Variants in CFAP20DC observed in about 807,000 individuals in gnomAD.
CFAP20DC encodes protein CFAP20DC.
A neutral mutation model predicts 101.7 loss-of-function variants in CFAP20DC; 84 were observed. That is an observed-to-expected ratio of 0.83 (90% CI 0.69 to 0.99). The LOEUF (loss-of-function observed/expected upper bound fraction) is 0.99, where lower values mean the gene tolerates loss of function less well. CFAP20DC is among the 50% of genes least tolerant of loss of function. The pLI is 0.00. For missense variants in CFAP20DC, 1,007 were observed against 970.3 expected, an observed-to-expected ratio of 1.04 and a Z score of -0.50; for synonymous variants, 359 against 351.2, an observed-to-expected ratio of 1.02 and a Z score of -0.25.
In CFAP20DC at chr3:58,895,867, G is replaced by A. The variant is rs1430566111; in HGVS notation, c.551-11158C>T. Among the ~76,000 whole-genome samples, 8 of 152,168 alleles carry A rather than the reference G, an allele frequency of 5.3e-5. No homozygotes were observed. In the East Asian group the frequency reaches 5.8e-4, roughly 11 times the overall value. ...TCACATCTTACATGGATGGCAGCACGCAAAGAGAGTTTGTCTAGGGAAACT... is the reference window on the plus strand; with the variant it reads ...TCACATCTTACATGGATGGCAGCACACAAAGAGAGTTTGTCTAGGGAAACT... On this transcript the variant is annotated intron_variant, in intron 6 of 16. Transcript: ENST00000482387.
chr3:58,931,867 C>G (rs1444984809), intron 5 of CFAP20DC, among the ~76,000 whole-genome samples: 2 of 152,186 alleles, frequency 1.3e-5, no homozygotes, highest in Non-Finnish European at 2.9e-5. Context: ...AGCAGAGCAC[C>G]TCTCCTCCTC....
intron 6 of CFAP20DC, among the ~76,000 whole-genome samples, chr3:58,908,750 G>A (rs146491150): frequency 6.6e-6 from 1 of 152,316 alleles, no homozygotes; most frequent in African/African-American, 2.4e-5. Flanking sequence ...AAGCAATGAA[G>A]ATGTCTTTCA....
intron 4 of CFAP20DC, among the ~76,000 whole-genome samples, chr3:58,989,694 T>C (rs1487337404): frequency 6.6e-6 from 1 of 152,190 alleles, no homozygotes; most frequent in Non-Finnish European, 1.5e-5. Flanking sequence ...AGCAGATGAT[T>C]ATTTTTCAAT....
intron 4 of CFAP20DC, among the ~76,000 whole-genome samples, chr3:58,942,849 G>A (rs886474128): frequency 2.6e-5 from 4 of 152,196 alleles, no homozygotes; most frequent in African/African-American, 9.6e-5. Flanking sequence ...TGAGAACACA[G>A]CAGTCTAAAA....
At position 58,849,376 on chromosome 3, in the gene CFAP20DC, T is replaced by C. The variant is rs2078017839; in HGVS notation, c.1627A>G (p.Thr543Ala). ...NHSIQGSRGP[T>A]TGPSELTQLT... ...TGAGTTAACTCTGAAGGACCAGTTG[T>C]TGGGCCTCGAGAACCCTGGATACTG... Residue 543 changes from threonine to alanine, a missense_variant, in exon 13 of 17, where the codon ACA (threonine) becomes GCA (alanine). Transcript: ENST00000482387. 2 of 1,535,334 alleles carry C rather than the reference T, an allele frequency of 1.3e-6. No individual in the cohort carries two copies. The highest frequency in any genetic ancestry group is 1.7e-6 in the Non-Finnish European group (2 of 1,146,458).
chr3:58,834,559 G>A (rs1026052812), intron 13 of CFAP20DC, among the ~76,000 whole-genome samples: 2 of 152,128 alleles, frequency 1.3e-5, no homozygotes, highest in African/African-American at 4.8e-5. Context: ...AATAAGAGAG[G>A]ATGTGGCAGT....
At chr3:59,029,467 A>C (rs1020708230) in intron 4 of CFAP20DC, among the ~76,000 whole-genome samples, 2 of 152,120 alleles carry the variant, frequency 1.3e-5, no homozygotes, top group African/African-American at 4.8e-5. Context: ...AGGAGGAGTT[A>C]GCCAGGCAAA....
rs149487234 is a variant in CFAP20DC at position 58,884,464 on chromosome 3, G to A, written c.715+81C>T. On this transcript the variant is annotated intron_variant, in intron 7 of 16. Coordinates refer to ENST00000482387, the MANE Select transcript of CFAP20DC (RefSeq NM_001394063.1). ...GAAGGATATAGAAGAATGAGGTACA[G>A]TGCCCTTTTTGGAGGAAGTCACACT... The A allele has an allele frequency of 4.7e-5, 61 of 1,308,840 alleles. No individual in the cohort carries two copies. In the East Asian group the frequency reaches 6.7e-4, roughly 14 times the overall value. 81.1% of individuals were successfully genotyped at this position (1,308,840 alleles called of 1,614,324 possible). A position where few individuals can be genotyped will look rare whatever the true frequency, so the allele number is the denominator to read the frequency against.
intron 14 of CFAP20DC, among the ~76,000 whole-genome samples, chr3:58,806,857 T>A (rs1201399513): frequency 6.6e-6 from 1 of 152,170 alleles, no homozygotes; most frequent in Non-Finnish European, 1.5e-5. Context: ...ATCGGGTCAC[T>A]CCCACCCTAA....
intron 4 of CFAP20DC, among the ~76,000 whole-genome samples, chr3:58,940,431 C>T (rs766524354): frequency 3.3e-5 from 5 of 152,132 alleles, no homozygotes; most frequent in Admixed American, 6.5e-5. Context: ...ACATTTAGTT[C>T]GTCCCAAATT....
intron 4 of CFAP20DC, among the ~76,000 whole-genome samples, chr3:58,967,579 G>A (rs2091656961): frequency 6.6e-6 from 1 of 152,138 alleles, no homozygotes; most frequent in Non-Finnish European, 1.5e-5. Flanking sequence ...ACAACCCATA[G>A]AATGGGAGGA....
intron 4 of CFAP20DC, among the ~76,000 whole-genome samples, chr3:58,975,226 A>C (rs1022052364): frequency 6.8e-6 from 1 of 148,112 alleles, no homozygotes; most frequent in Non-Finnish European, 1.5e-5. Context: ...TATTCTTATC[A>C]CCTTATCTAA....
At chr3:58,940,478 C>G (rs1259886299) in intron 4 of CFAP20DC, among the ~76,000 whole-genome samples, 3 of 152,148 alleles carry the variant, frequency 2.0e-5, no homozygotes, top group African/African-American at 7.2e-5. Context: ...GGTTGGAGTT[C>G]TTTTCTTTCT....
Position 58,884,604 on chromosome 3 carries a change from G to T in CFAP20DC, c.656C>A (p.Thr219Asn), listed in dbSNP as rs1165369576. 5 of 1,613,896 alleles carry T rather than the reference G, an allele frequency of 3.1e-6. No homozygotes were observed. The East Asian group carries it at 8.9e-5, about 29-fold the overall frequency. The change falls in exon 7 of 17, where the codon ACT becomes AAT. Residue 219 changes from threonine to asparagine, a missense_variant. Thr to Asn is a moderately conservative substitution (Grantham distance 65). Coordinates refer to ENST00000482387, the MANE Select transcript of CFAP20DC (RefSeq NM_001394063.1). Reference sequence around the variant, plus strand: ...TTTTATTTCAGTTTGGCGAAGTTTAGTCATGTTTAGCAGCTGTGTGACATG... The same window carrying T: ...TTTTATTTCAGTTTGGCGAAGTTTATTCATGTTTAGCAGCTGTGTGACATG... ...VPHVTQLLNM[T>N]KLRQTEIKFG...
At chr3:58,933,487 C>A (rs2087031905) in intron 5 of CFAP20DC, among the ~76,000 whole-genome samples, 1 of 152,190 alleles carries the variant, frequency 6.6e-6, no homozygotes, top group Non-Finnish European at 1.5e-5. Context: ...CAGCACCACA[C>A]CACACCTATT....
At chr3:59,036,650 C>T (rs2094109260) in intron 4 of CFAP20DC, among the ~76,000 whole-genome samples, 2 of 152,194 alleles carry the variant, frequency 1.3e-5, no homozygotes, top group East Asian at 1.9e-4. Flanking sequence ...AGAGAGGACA[C>T]AAACAAATGG....
chr3:59,008,077 G>A lies in CFAP20DC; in HGVS notation c.278+31480C>T, dbSNP rs185754281. On this transcript the variant is annotated intron_variant, in intron 4 of 16. Transcript: ENST00000482387. ...GGCTTCCCCAACAGAAACACTGGAT[G>A]CACTTATAGACAGCCTTTCTGGAAA... 1.4e-3 allele frequency among the ~76,000 whole-genome samples: 209 copies of A among 152,278 alleles called. 1 individual carries two copies. The highest frequency in any genetic ancestry group is 0.014 in the Middle Eastern group (4 of 294).
chr3:58,922,564 TTTCTTTCTC>T (rs1313509979), intron 5 of CFAP20DC, among the ~76,000 whole-genome samples: 1 of 152,176 alleles, frequency 6.6e-6, no homozygotes, highest in Non-Finnish European at 1.5e-5. Flanking sequence ...ATGCCTCCTC[TTTCTTTCTC>T]TGTCTCCCTT....
chr3:58,956,911 G>T lies in CFAP20DC; in HGVS notation c.279-19149C>A, dbSNP rs951003789. Among the ~76,000 whole-genome samples the T allele has an allele frequency of 3.9e-5, 6 of 152,106 alleles. No homozygotes were observed. The East Asian group carries it at 9.6e-4, about 24-fold the overall frequency. Reference sequence around the variant, plus strand: ...ATATCTCGTGAGAACTCACTATCACGAGAATATGATGGGGGAAACCACACC... The same window carrying T: ...ATATCTCGTGAGAACTCACTATCACTAGAATATGATGGGGGAAACCACACC... On this transcript the variant is annotated intron_variant, in intron 4 of 16. Transcript: ENST00000482387.
Sources: gnomAD v4.1 joint callset for allele counts (sites outside exome capture counted in the v4.1 genomes callset) on GRCh38, gnomAD v4.1.1 for gene constraint, MANE v1.5 for transcripts, NCBI Gene and HGNC (gene_info 2026-07-23, HGNC 2026-07-21) for gene names.